The following ADARB2 variants were observed in gnomAD, a reference collection of about 807,000 sequenced individuals.
ADARB2 encodes inactive double-stranded RNA-specific editase B2.
ADARB2 carries 25 observed loss-of-function variants against 62.2 expected under a neutral mutation model. The observed-to-expected ratio is 0.40, with a 90% confidence interval of 0.29 to 0.56. ADARB2 has a LOEUF of 0.56. ADARB2 is among the 20% of genes least tolerant of loss of function. ADARB2 has a pLI of 0.43. For synonymous variants in ADARB2, 572 were observed against 500.8 expected (o/e 1.14, Z -1.90); for missense variants, 1,071 against 1,077.4 (o/e 0.99, Z 0.08).
At chr10:1,437,431 A>G (rs1830845906) in intron 1 of ADARB2, among the ~76,000 whole-genome samples, 1 of 152,208 alleles carries the variant, frequency 6.6e-6, no homozygotes, top group Admixed American at 6.5e-5. Context: ...TGCTTATGGT[A>G]CAAAGACTAA....
intron 6 of ADARB2, among the ~76,000 whole-genome samples, chr10:1,222,445 T>C (rs1830703659): frequency 6.6e-6 from 1 of 151,288 alleles, no homozygotes; most frequent in Non-Finnish European, 1.5e-5. Context: ...CAATCTTGGC[T>C]TTTGTTGCCA....
In ADARB2 at chr10:1,202,932, T is replaced by G. The variant is rs962419571; in HGVS notation, c.1683-2785A>C. On this transcript the variant is annotated intron_variant, in intron 7 of 9. Coordinates refer to ENST00000381312, the MANE Select transcript of ADARB2 (RefSeq NM_018702.4). ...CAGGACCGTCGGAAGACAAATAACT[T>G]CTCTATCTGGTTCCTACCTAATAAC... Among the ~76,000 whole-genome samples, 29 of 152,192 alleles carry G rather than the reference T, an allele frequency of 1.9e-4. 1 individual carries two copies. Among genetic ancestry groups the G allele is most frequent in the Non-Finnish European group, 3.7e-4 (25 of 68,030 alleles).
intron 1 of ADARB2, among the ~76,000 whole-genome samples, chr10:1,593,927 C>T (rs1399896435): frequency 1.3e-5 from 2 of 152,124 alleles, no homozygotes; most frequent in Non-Finnish European, 2.9e-5. Flanking sequence ...TCATGGGATT[C>T]GGAGAGCTGC....
intron 3 of ADARB2, among the ~76,000 whole-genome samples, chr10:1,337,295 G>A (rs956461295): frequency 6.6e-5 from 10 of 152,016 alleles, no homozygotes; most frequent in South Asian, 2.1e-4. Context: ...AGACTCTAAC[G>A]GCAAGCTCTA....
intron 6 of ADARB2, among the ~76,000 whole-genome samples, chr10:1,229,734 T>TTA (rs1830784243): frequency 4.7e-5 from 1 of 21,316 alleles, no homozygotes; most frequent in African/African-American, 3.1e-4. Flanking sequence ...GCACTTGTGC[T>TTA]TGTTTGTATG....
intron 7 of ADARB2, among the ~76,000 whole-genome samples, chr10:1,210,102 T>G (rs553836105): frequency 6.6e-6 from 1 of 152,228 alleles, no homozygotes. Context: ...TGCATTACTT[T>G]TGATCTGTAG....
intron 1 of ADARB2, among the ~76,000 whole-genome samples, chr10:1,574,789 C>T (rs1030292499): frequency 2.0e-5 from 3 of 152,174 alleles, no homozygotes; most frequent in African/African-American, 7.2e-5. Context: ...GGGGGTCAGA[C>T]TTCAACCTGT....
chr10:1,403,646 G>C (rs959577970), intron 1 of ADARB2, among the ~76,000 whole-genome samples: 1 of 152,134 alleles, frequency 6.6e-6, no homozygotes, highest in Admixed American at 6.5e-5. Context: ...GGAGGGCACC[G>C]TGGCCCCGGG....
chr10:1,596,963 C>T lies in ADARB2; in HGVS notation c.100+140088G>A, dbSNP rs376282121. Among the ~76,000 whole-genome samples, 19 of 152,222 alleles carry T rather than the reference C, an allele frequency of 1.2e-4. No homozygotes were observed. The South Asian group carries it at 1.9e-3, about 15-fold the overall frequency. ...GGGCTTCATCGCCGACTTCTCTCCA[C>T]GGTGGGTGGCAGTGTGTGATTGTTA... On this transcript the variant is annotated intron_variant, in intron 1 of 9. Coordinates refer to ENST00000381312, the MANE Select transcript of ADARB2 (RefSeq NM_018702.4).
chr10:1,658,922 G>A (rs1481784040), intron 1 of ADARB2, among the ~76,000 whole-genome samples: 1 of 152,198 alleles, frequency 6.6e-6, no homozygotes, highest in African/African-American at 2.4e-5. Context: ...CCAGCCAAGT[G>A]GGGAGAAAGG....
chr10:1,553,785 C>T (rs1284681364), intron 1 of ADARB2, among the ~76,000 whole-genome samples: 1 of 152,246 alleles, frequency 6.6e-6, no homozygotes, highest in Admixed American at 6.5e-5. Context: ...CTCTTCTAAG[C>T]GCAGCGACCG....
intron 4 of ADARB2, among the ~76,000 whole-genome samples, chr10:1,253,570 A>G (rs71491355): frequency 0.25 from 38,282 of 152,180 alleles, 6,025 homozygotes; most frequent in South Asian, 0.5. Context: ...TATTCAAGGG[A>G]AAGAGGATAA....
At chr10:1,233,545 C>T (rs1336041199) in intron 6 of ADARB2, 149 bp downstream of exon 6, 6 of 819,572 alleles carry the variant, frequency 7.3e-6, no homozygotes, top group Admixed American at 3.1e-5. Flanking sequence ...GCATGGTTAT[C>T]CCACTAATTG....
intron 1 of ADARB2, among the ~76,000 whole-genome samples, chr10:1,694,567 T>C (rs1179415117): frequency 6.6e-6 from 1 of 152,180 alleles, no homozygotes; most frequent in Non-Finnish European, 1.5e-5. Flanking sequence ...ATAAATGCAA[T>C]GGCCCCATTC....
chr10:1,251,917 C>T lies in ADARB2; in HGVS notation c.1193-9618G>A, dbSNP rs140816864. On this transcript the variant is annotated intron_variant, in intron 4 of 9. Transcript: ENST00000381312. ...TCCTGGAGGCAGAGTGCAGCCCTCT[C>T]GACACCAAGCCTGCTGACGTCTGGA... Among the ~76,000 whole-genome samples, 62 of 152,308 alleles carry T rather than the reference C, an allele frequency of 4.1e-4. 1 individual carries two copies. Among genetic ancestry groups the T allele is most frequent in the Admixed American group, 2.2e-3 (34 of 15,302 alleles).
At chr10:1,499,646 A>T (rs1831739773) in intron 1 of ADARB2, among the ~76,000 whole-genome samples, 1 of 151,128 alleles carries the variant, frequency 6.6e-6, no homozygotes, top group Admixed American at 6.6e-5. Flanking sequence ...TTCATCACCC[A>T]CCACTCACTC....
At chr10:1,242,338 GC>G (rs759650416) in intron 4 of ADARB2, 39 bp from the exon 5 acceptor site, 13 of 1,507,246 alleles carry the variant, frequency 8.6e-6, no homozygotes, top group Non-Finnish European at 9.8e-6. Flanking sequence ...GTGGCCCACG[GC>G]CCCCGTCTCC....
intron 1 of ADARB2, among the ~76,000 whole-genome samples, chr10:1,723,021 T>TAC (rs1314810877): frequency 1.3e-5 from 2 of 152,132 alleles, no homozygotes; most frequent in Admixed American, 6.5e-5. Flanking sequence ...CACATGCACA[T>TAC]ACACACACAT....
At chr10:1,453,701 G>C (rs1041870353) in intron 1 of ADARB2, among the ~76,000 whole-genome samples, 2 of 152,140 alleles carry the variant, frequency 1.3e-5, no homozygotes, top group African/African-American at 4.8e-5. Context: ...GACTTGAACA[G>C]ACGTTTCTCC....
Sources: allele counts gnomAD v4.1 joint callset (sites outside exome capture counted in the v4.1 genomes callset), GRCh38; gene constraint gnomAD v4.1.1; transcripts MANE v1.5; gene names NCBI Gene and HGNC (gene_info 2026-07-23, HGNC 2026-07-21).